Variants in SCFD1 observed in about 807,000 individuals in gnomAD.
SCFD1 encodes the protein sec1 family domain-containing protein 1.
Under a neutral mutation model 103.2 loss-of-function variants are expected in SCFD1, and 37 were observed. That is an observed-to-expected ratio of 0.36 (90% CI 0.28 to 0.47). The LOEUF (loss-of-function observed/expected upper bound fraction) is 0.47, where lower values mean the gene tolerates loss of function less well. Ranked by LOEUF, SCFD1 falls within the 20% of genes least tolerant of loss-of-function variation. The pLI, the probability that SCFD1 is intolerant of heterozygous loss-of-function variation, is 1.00. For missense variants in SCFD1, 639 were observed against 761.2 expected, an observed-to-expected ratio of 0.84 and a Z score of 1.89; for synonymous variants, 264 against 245.0, an observed-to-expected ratio of 1.08 and a Z score of -0.73.
At chr14:30,635,572 T>C (rs1884637077) in intron 4 of SCFD1, among the ~76,000 whole-genome samples, 1 of 152,210 alleles carries the variant, frequency 6.6e-6, no homozygotes, top group South Asian at 2.1e-4. Flanking sequence ...TCATCCATAT[T>C]GTAGCATGAA....
intron 4 of SCFD1, 61 bp downstream of exon 4, chr14:30,634,098 A>G: frequency 2.1e-6 from 2 of 948,308 alleles, no homozygotes; most frequent in Non-Finnish European, 3.3e-6. Context: ...TTTTCAAGAA[A>G]AATTCCTAGA....
intron 3 of SCFD1, 97 bp downstream of exon 3, chr14:30,630,662 T>G: frequency 1.4e-6 from 1 of 729,684 alleles, no homozygotes. Context: ...TATTGAACAT[T>G]TTTTCCCTGT....
intron 7 of SCFD1, among the ~76,000 whole-genome samples, 176 bp downstream of exon 7, chr14:30,643,581 G>C (rs184507313): frequency 2.0e-5 from 3 of 152,110 alleles, no homozygotes; most frequent in Admixed American, 1.3e-4. Context: ...AACTTGATGT[G>C]GTTCTCTTAA....
chr14:30,676,521 T>TAAA (rs1889048304), intron 14 of SCFD1: 1 of 152,194 alleles, frequency 6.6e-6, no homozygotes, highest in East Asian at 1.9e-4. Context: ...GATGAGGTGA[T>TAAA]GTTTGAGTTG....
intron 5 of SCFD1, among the ~76,000 whole-genome samples, chr14:30,639,364 G>A (rs1456225811): frequency 1.3e-5 from 2 of 152,050 alleles, no homozygotes; most frequent in Non-Finnish European, 2.9e-5. Context: ...CCAAAGAACT[G>A]GCATAACTTT....
chr14:30,707,898 A>C, intron 18 of SCFD1, 92 bp from the exon 19 acceptor site: 1 of 872,950 alleles, frequency 1.1e-6, no homozygotes, highest in South Asian at 1.3e-5. Flanking sequence ...GAGCATCAGC[A>C]TGTGGTGTGT....
chr14:30,650,778 AAGG>A, intron 9 of SCFD1, 128 bp downstream of exon 9: 1 of 587,214 alleles, frequency 1.7e-6, no homozygotes, highest in Non-Finnish European at 3.0e-6. Context: ...AATCAGGATC[AAGG>A]TTTTGACTCA....
chr14:30,713,671 T>G (rs1892054652), intron 19 of SCFD1, among the ~76,000 whole-genome samples: 1 of 152,176 alleles, frequency 6.6e-6, no homozygotes, highest in Non-Finnish European at 1.5e-5. Context: ...CCCTTATGGT[T>G]TATCATTATA....
intron 23 of SCFD1, among the ~76,000 whole-genome samples, chr14:30,733,207 A>G (rs962378554): frequency 1.3e-4 from 19 of 151,874 alleles, no homozygotes; most frequent in Admixed American, 9.2e-4. Context: ...ATGGGGTTTC[A>G]CCATGCTGGC....
intron 15 of SCFD1, among the ~76,000 whole-genome samples, chr14:30,697,437 A>G (rs1380973336): frequency 6.6e-6 from 1 of 152,228 alleles, no homozygotes; most frequent in Non-Finnish European, 1.5e-5. Flanking sequence ...GAATAAATTG[A>G]AATTTCATAG....
At chr14:30,729,766 G>C (rs998913869) in intron 23 of SCFD1, among the ~76,000 whole-genome samples, 3 of 152,068 alleles carry the variant, frequency 2.0e-5, no homozygotes, top group East Asian at 1.9e-4. Context: ...GTTAATTAAG[G>C]CTTCTGGTCC....
chr14:30,670,143 G>C (rs230364), intron 10 of SCFD1, 113 bp from the exon 11 acceptor site: 313,204 of 790,116 alleles, frequency 0.4, 69,802 homozygotes, highest in African/African-American at 0.79. Flanking sequence ...GGGAGGAGAT[G>C]TTTTAAATTT....
chr14:30,645,971 A>G (rs1011902710), intron 7 of SCFD1, among the ~76,000 whole-genome samples: 2 of 151,452 alleles, frequency 1.3e-5, no homozygotes, highest in African/African-American at 2.4e-5. Context: ...GATTACTCTT[A>G]TTATTTTGAG....
At chr14:30,669,742 ACT>A (rs1357003641) in intron 10 of SCFD1, 1 of 152,108 alleles carries the variant, frequency 6.6e-6, no homozygotes, top group East Asian at 1.9e-4. Flanking sequence ...CAGAATGTTG[ACT>A]CTCTAAGAGT....
At chr14:30,671,095 G>C (rs867522817) in intron 11 of SCFD1, among the ~76,000 whole-genome samples, 2 of 152,084 alleles carry the variant, frequency 1.3e-5, no homozygotes, top group African/African-American at 4.8e-5. Context: ...TTCAAAATGT[G>C]TGTGTGTCCT....
rs112858765 is a variant in SCFD1, at chr14:30,700,503, G to A, written c.1410+245G>A. Among the ~76,000 whole-genome samples the A allele has an allele frequency of 9.3e-4, 142 of 152,126 alleles. 1 individual carries two copies. The highest frequency in any genetic ancestry group is 8.9e-3 in the East Asian group (46 of 5,172). ...AGTCTGGGCAACATGACAAAACCCC[G>A]TCTCTACTAAAAATACAAAAATTAG... is the stretch of plus-strand genomic sequence containing the variant. On this transcript the variant is annotated intron_variant, in intron 16 of 24. Coordinates refer to ENST00000458591, the MANE Select transcript of SCFD1 (RefSeq NM_016106.4).
intron 14 of SCFD1, among the ~76,000 whole-genome samples, chr14:30,677,752 A>T (rs1446764573): frequency 2.0e-5 from 3 of 149,268 alleles, no homozygotes; most frequent in Admixed American, 2.0e-4. Context: ...TTGCTCCGTA[A>T]TCTCTTCTCT....
chr14:30,718,493 G>A (rs909055051), intron 20 of SCFD1, among the ~76,000 whole-genome samples: 1 of 152,202 alleles, frequency 6.6e-6, no homozygotes, highest in Non-Finnish European at 1.5e-5. Flanking sequence ...CATCTGCTAG[G>A]TGAGGCAGCT....
intron 23 of SCFD1, among the ~76,000 whole-genome samples, chr14:30,728,854 T>G (rs1232869968): frequency 6.9e-6 from 1 of 145,984 alleles, no homozygotes. Context: ...TTTTTTTTTT[T>G]TTCCCCCCGA....
Sources: gnomAD v4.1 joint callset for allele counts (sites outside exome capture counted in the v4.1 genomes callset) on GRCh38, gnomAD v4.1.1 for gene constraint, MANE v1.5 for transcripts, NCBI Gene and HGNC (gene_info 2026-07-23, HGNC 2026-07-21) for gene names.